The following CFAP263 variants were observed in gnomAD, a reference collection of about 807,000 sequenced individuals.
CFAP263 encodes cilia and flagella associated protein 263.
At chr16:58,262,269 T>C in the CFAP263 span, 1 of 950,962 alleles carries the variant, frequency 1.1e-6, no homozygotes. Context: ...ATGTGTTTGC[T>C]GAATGACTGA....
the CFAP263 span, among the ~76,000 whole-genome samples, chr16:58,257,103 T>C: frequency 0.86 from 76,538 of 89,292 alleles, 33,199 homozygotes; most frequent in East Asian, 0.99. Flanking sequence ...CTGCAAGCTC[T>C]GCCTCCCGGG....
chr16:58,258,453 C>T, the CFAP263 span: 21 of 1,613,532 alleles, frequency 1.3e-5, no homozygotes, highest in East Asian at 2.2e-5. Flanking sequence ...AAAGCCATAT[C>T]CAAGAAGAAA....
the CFAP263 span, chr16:58,259,770 G>A: frequency 1.2e-6 from 1 of 827,448 alleles, no homozygotes; most frequent in Non-Finnish European, 1.9e-6. Flanking sequence ...TTGGTTTGCA[G>A]CCCCAGAACC....
At chr16:58,262,108 C>T in the CFAP263 span, among the ~76,000 whole-genome samples, 6 of 151,944 alleles carry the variant, frequency 3.9e-5, no homozygotes, top group South Asian at 2.1e-4. Flanking sequence ...ACATGCCCCC[C>T]GAACAACACA....
the CFAP263 span, among the ~76,000 whole-genome samples, chr16:58,259,382 A>G: frequency 4.6e-5 from 7 of 152,310 alleles, no homozygotes; most frequent in Non-Finnish European, 1.0e-4. Flanking sequence ...CTTTGTTATC[A>G]GGAGATGGAC....
chr16:58,265,900 T>G, the CFAP263 span, among the ~76,000 whole-genome samples: 120 of 152,110 alleles, frequency 7.9e-4, 4 homozygotes, highest in Non-Finnish European at 2.6e-4. Flanking sequence ...CATTCCTTCC[T>G]GCCCTGCCGC....
At chr16:58,261,536 G>A in the CFAP263 span, among the ~76,000 whole-genome samples, 1 of 152,232 alleles carries the variant, frequency 6.6e-6, no homozygotes, top group African/African-American at 2.4e-5. Context: ...AGGTGTATAT[G>A]TGTAATTGTA....
chr16:58,259,459 A>G, the CFAP263 span, among the ~76,000 whole-genome samples: 885 of 152,262 alleles, frequency 5.8e-3, 4 homozygotes, highest in South Asian at 8.5e-3. Flanking sequence ...TTTTTACAAC[A>G]CGTCAAGCTT....
the CFAP263 span, among the ~76,000 whole-genome samples, chr16:58,266,530 C>G: frequency 6.6e-6 from 1 of 151,250 alleles, no homozygotes; most frequent in Non-Finnish European, 1.5e-5. Flanking sequence ...CTGCCTCTCC[C>G]CTACTGTCCG....
At chr16:58,280,695 T>C in the CFAP263 span, 2 of 1,614,152 alleles carry the variant, frequency 1.2e-6, no homozygotes, top group Non-Finnish European at 1.7e-6. Flanking sequence ...AGTTCAGGAC[T>C]CCTCTCAGAA....
the CFAP263 span, among the ~76,000 whole-genome samples, chr16:58,257,968 C>T: frequency 2.0e-5 from 3 of 151,934 alleles, no homozygotes; most frequent in South Asian, 2.1e-4. Context: ...ATTAGCCAGG[C>T]GTGGTGGCAG....
At chr16:58,262,483 A>C in the CFAP263 span, 2 of 1,613,668 alleles carry the variant, frequency 1.2e-6, no homozygotes, top group Middle Eastern at 1.7e-4. Context: ...GGAATCAAGA[A>C]CTGACCCAGC....
the CFAP263 span, among the ~76,000 whole-genome samples, chr16:58,275,257 C>T: frequency 8.9e-4 from 135 of 152,114 alleles, no homozygotes; most frequent in Non-Finnish European, 1.4e-3. Flanking sequence ...GGGTAGGTCT[C>T]GGGTAGCCTG....
At chr16:58,254,071 T>C in the CFAP263 span, 3 of 1,614,084 alleles carry the variant, frequency 1.9e-6, no homozygotes, top group Non-Finnish European at 2.5e-6. Flanking sequence ...GACCAAAAAC[T>C]TGAGCTGGTA....
At chr16:58,260,816 C>G in the CFAP263 span, among the ~76,000 whole-genome samples, 1 of 152,152 alleles carries the variant, frequency 6.6e-6, no homozygotes, top group East Asian at 1.9e-4. Context: ...CCAGAAAGAC[C>G]TCACCAAGCT....
At chr16:58,252,873 A>T in the CFAP263 span, 1 of 1,612,254 alleles carries the variant, frequency 6.2e-7, no homozygotes, top group Non-Finnish European at 8.5e-7. Flanking sequence ...GGAGATCTAG[A>T]TCATTCTTTT....
At chr16:58,271,957 C>T in the CFAP263 span, among the ~76,000 whole-genome samples, 1 of 151,826 alleles carries the variant, frequency 6.6e-6, no homozygotes, top group African/African-American at 2.4e-5. Flanking sequence ...GGAGATTTAT[C>T]TATTCTCCTC....
chr16:58,281,623 C>G, the CFAP263 span: 1 of 152,278 alleles, frequency 6.6e-6, no homozygotes, highest in Admixed American at 6.5e-5. Flanking sequence ...GGGTGGTCAT[C>G]CCCAGGCTAG....
chr16:58,251,812 TCATATA>T, the CFAP263 span, among the ~76,000 whole-genome samples: 38 of 146,768 alleles, frequency 2.6e-4, no homozygotes, highest in African/African-American at 9.4e-4. Context: ...GTTCTCTCTC[TCATATA>T]CATATACATA....
Sources: gnomAD v4.1 joint callset for allele counts (sites outside exome capture counted in the v4.1 genomes callset) on GRCh38, gnomAD v4.1.1 for gene constraint, MANE v1.5 for transcripts, NCBI Gene and HGNC (gene_info 2026-07-23, HGNC 2026-07-21) for gene names.